The following STRN3 variants were observed in gnomAD, a reference collection of about 807,000 sequenced individuals.
The protein encoded by STRN3 is striatin-3.
STRN3 carries 29 observed loss-of-function variants against 95.6 expected under a neutral mutation model. The observed-to-expected ratio is 0.30, with a 90% CI of 0.23 to 0.41. The LOEUF is 0.41. Among genes scored for constraint, STRN3 ranks in the 10% least tolerant of loss-of-function variants. The probability of loss-of-function intolerance (pLI) is 1.00; values close to 1 mark genes in which losing one functional copy is unlikely to be tolerated. For missense variants in STRN3, 890 were observed against 972.1 expected (o/e 0.92, Z 1.12); for synonymous variants, 331 against 357.6 (o/e 0.93, Z 0.84).
intron 9 of STRN3, 42 bp downstream of exon 9, chr14:30,918,924 G>T: frequency 6.7e-7 from 1 of 1,485,786 alleles, no homozygotes; most frequent in Non-Finnish European, 9.0e-7. Flanking sequence ...TGGATTTAAG[G>T]TCTTCTGAAA....
rs867681847 is a variant in STRN3, at chr14:30,902,620, T to G, written c.2053A>C (p.Asn685His). 1.2e-5 allele frequency: 20 copies of G among 1,601,110 alleles called. No homozygotes were observed. The African/African-American group carries it at 1.7e-4, about 14-fold the overall frequency. Residue 685 changes from asparagine (N) to histidine (H), a missense_variant, in exon 16 of 18, where the codon AAC becomes CAC. Around this residue, in one of 3 missense-constraint regions of STRN3, gnomAD observed 357 missense variants for 422.8 expected, o/e 0.84. Coordinates refer to ENST00000357479, the MANE Select transcript of STRN3 (RefSeq NM_001083893.2). Reference protein sequence around the residue: ...DSGLQSNNHINRVVSHPTLPV... With the variant: ...DSGLQSNNHIHRVVSHPTLPV... ...AGTGTGGGATGACTTACTACTCTGT[T>G]GATATGATTATTAGATTGTAAACCT... is the stretch of plus-strand genomic sequence containing the variant.
intron 5 of STRN3, among the ~76,000 whole-genome samples, chr14:30,945,699 G>A (rs1457372101): frequency 6.6e-6 from 1 of 152,192 alleles, no homozygotes; most frequent in Non-Finnish European, 1.5e-5. Flanking sequence ...GGAATGAAGT[G>A]CTGATGCATG....
At chr14:30,968,763 A>AG (rs1880677728) in intron 1 of STRN3, among the ~76,000 whole-genome samples, 1 of 151,550 alleles carries the variant, frequency 6.6e-6, no homozygotes, top group Non-Finnish European at 1.5e-5. Context: ...GAGAAAAAAA[A>AG]GGTTATAAAA....
At chr14:31,019,842 ATTAC>A (rs1466924142) in intron 1 of STRN3, among the ~76,000 whole-genome samples, 2 of 150,980 alleles carry the variant, frequency 1.3e-5, no homozygotes, top group East Asian at 3.9e-4. Context: ...TGTTACCTAT[ATTAC>A]TTAGCCTTTT....
At chr14:30,943,987 T>C (rs1316236267) in intron 5 of STRN3, among the ~76,000 whole-genome samples, 1 of 152,094 alleles carries the variant, frequency 6.6e-6, no homozygotes, top group Non-Finnish European at 1.5e-5. Flanking sequence ...CTGCACACTT[T>C]AAAGTTTGTT....
chr14:30,902,171 CAAAAAAAAAAAAAAAAA>C (rs71112350), intron 16 of STRN3, among the ~76,000 whole-genome samples: 23 of 39,850 alleles, frequency 5.8e-4, no homozygotes, highest in Middle Eastern at 0.022. Flanking sequence ...AACTCCGCCT[CAAAAAAAAAAAAAAAAA>C]AAAAAAAAAA....
At chr14:30,979,639 G>A (rs910074707) in intron 1 of STRN3, among the ~76,000 whole-genome samples, 3 of 151,738 alleles carry the variant, frequency 2.0e-5, no homozygotes, top group Non-Finnish European at 4.4e-5. Flanking sequence ...TCGCTCTGTC[G>A]CCCAGGCTGG....
At chr14:31,013,311 C>T (rs1335473369) in intron 1 of STRN3, among the ~76,000 whole-genome samples, 3 of 150,978 alleles carry the variant, frequency 2.0e-5, no homozygotes, top group African/African-American at 4.9e-5. Flanking sequence ...AGATAGAGGT[C>T]GCAGCCAGCC....
chr14:30,996,806 C>T (rs529694808), intron 1 of STRN3, among the ~76,000 whole-genome samples: 9 of 151,060 alleles, frequency 6.0e-5, no homozygotes, highest in Non-Finnish European at 1.3e-4. Flanking sequence ...ATGGAGAATG[C>T]AGTGAGCCGA....
chr14:30,974,144 G>T (rs889852271), intron 1 of STRN3, among the ~76,000 whole-genome samples: 1 of 151,972 alleles, frequency 6.6e-6, no homozygotes, highest in Admixed American at 6.5e-5. Context: ...AACTGGAAAG[G>T]AAGAAATAAA....
At chr14:31,012,488 A>G (rs1883013241) in intron 1 of STRN3, among the ~76,000 whole-genome samples, 1 of 152,250 alleles carries the variant, frequency 6.6e-6, no homozygotes, top group Non-Finnish European at 1.5e-5. Context: ...TTTAAGAAAG[A>G]ACACAGCTAC....
chr14:30,983,825 C>G (rs1460807682), intron 1 of STRN3, among the ~76,000 whole-genome samples: 1 of 151,946 alleles, frequency 6.6e-6, no homozygotes, highest in Non-Finnish European at 1.5e-5. Context: ...GTAAAATTTC[C>G]AAGAGAAAAA....
At chr14:31,005,521 T>G (rs1882674342) in intron 1 of STRN3, among the ~76,000 whole-genome samples, 2 of 152,262 alleles carry the variant, frequency 1.3e-5, no homozygotes, top group Non-Finnish European at 2.9e-5. Context: ...ATTTCTTGCA[T>G]GACACAGCTT....
chr14:31,022,764 T>C (rs1251045484), intron 1 of STRN3, among the ~76,000 whole-genome samples: 5 of 152,142 alleles, frequency 3.3e-5, no homozygotes, highest in African/African-American at 9.7e-5. Flanking sequence ...CAATACTTTA[T>C]GGCTAGGTGA....
At chr14:30,924,625 A>G (rs1896974768) in intron 8 of STRN3, among the ~76,000 whole-genome samples, 1 of 152,078 alleles carries the variant, frequency 6.6e-6, no homozygotes, top group Admixed American at 6.5e-5. Flanking sequence ...TTGGAGGTTG[A>G]GGTGAGATGA....
At chr14:30,928,853 T>C (rs999619567) in intron 8 of STRN3, among the ~76,000 whole-genome samples, 3 of 151,436 alleles carry the variant, frequency 2.0e-5, no homozygotes, top group African/African-American at 7.3e-5. Flanking sequence ...ATAGCTATAC[T>C]CTATGTATCA....
chr14:30,955,762 C>A, intron 2 of STRN3, 69 bp from the exon 3 acceptor site: 1 of 1,254,380 alleles, frequency 8.0e-7, no homozygotes, highest in Non-Finnish European at 1.1e-6. Flanking sequence ...TTATATTACT[C>A]CAATAACAAA....
chr14:31,011,657 A>G (rs997907555), intron 1 of STRN3, among the ~76,000 whole-genome samples: 1 of 152,138 alleles, frequency 6.6e-6, no homozygotes, highest in African/African-American at 2.4e-5. Context: ...AAATAAAATA[A>G]AATTGCAAAA....
At chr14:31,002,380 G>C (rs1277425112) in intron 1 of STRN3, among the ~76,000 whole-genome samples, 1 of 149,770 alleles carries the variant, frequency 6.7e-6, no homozygotes, top group Non-Finnish European at 1.5e-5. Flanking sequence ...GCTAAGGCAG[G>C]AGAATTGCTT....
Sources: gnomAD v4.1 joint callset for allele counts (sites outside exome capture counted in the v4.1 genomes callset) on GRCh38, gnomAD v4.1.1 for gene constraint, gnomAD v4.1.1 regional missense constraint, MANE v1.5 for transcripts, NCBI Gene and HGNC (gene_info 2026-07-23, HGNC 2026-07-21) for gene names.